The following NIPBL variants were observed in gnomAD, a reference collection of about 807,000 sequenced individuals.
The protein encoded by NIPBL is nipped-B-like protein.
Under a neutral mutation model 321.8 loss-of-function variants are expected in NIPBL, and 19 were observed. The ratio of observed to expected loss-of-function variants is 0.06; its 90% CI spans 0.04 to 0.09. The LOEUF is 0.09. Ranked by LOEUF, NIPBL falls within the 10% of genes least tolerant of loss-of-function variation. The probability of loss-of-function intolerance (pLI) is 1.00; values close to 1 mark genes in which losing one functional copy is unlikely to be tolerated. For missense variants in NIPBL, 2,210 were observed against 3,327.0 expected (o/e 0.66, Z 8.26); for synonymous variants, 1,106 against 1,114.1 (o/e 0.99, Z 0.14).
At chr5:37,057,673 T>C (rs1754250322) in intron 43 of NIPBL, among the ~76,000 whole-genome samples, 1 of 152,256 alleles carries the variant, frequency 6.6e-6, no homozygotes, top group East Asian at 1.9e-4. Flanking sequence ...TGTAATGCTG[T>C]AATCACAACA....
chr5:36,900,194 T>G (rs556193116), intron 1 of NIPBL, among the ~76,000 whole-genome samples: 1 of 152,222 alleles, frequency 6.6e-6, no homozygotes, highest in Non-Finnish European at 1.5e-5. Flanking sequence ...TTGGAAATAT[T>G]CAGGAAAAGA....
intron 39 of NIPBL, 75 bp from the exon 40 acceptor site, chr5:37,049,036 G>A: frequency 6.8e-7 from 1 of 1,471,070 alleles, no homozygotes; most frequent in East Asian, 2.3e-5. Flanking sequence ...TTTGGTTATG[G>A]CCTAATTTTG....
At chr5:37,030,149 G>C (rs1283911878) in intron 32 of NIPBL, among the ~76,000 whole-genome samples, 5 of 152,162 alleles carry the variant, frequency 3.3e-5, no homozygotes, top group Non-Finnish European at 7.4e-5. Context: ...GACATGACCA[G>C]ATTTATACTC....
intron 1 of NIPBL, among the ~76,000 whole-genome samples, chr5:36,893,184 T>C (rs1580161923): frequency 1.3e-5 from 2 of 152,200 alleles, no homozygotes; most frequent in Non-Finnish European, 2.9e-5. Flanking sequence ...TTATACTAAA[T>C]CCATACATAC....
At chr5:36,958,389 G>C (rs189852814) in intron 4 of NIPBL, among the ~76,000 whole-genome samples, 158 bp downstream of exon 4, 31 of 152,276 alleles carry the variant, frequency 2.0e-4, no homozygotes, top group African/African-American at 7.0e-4. Context: ...GATTCTTGTA[G>C]TTTAATATGT....
intron 1 of NIPBL, among the ~76,000 whole-genome samples, chr5:36,923,682 C>T (rs1749129108): frequency 6.6e-6 from 1 of 152,044 alleles, no homozygotes; most frequent in African/African-American, 2.4e-5. Flanking sequence ...CTTGGTTGAC[C>T]TGTTTTGGCT....
chr5:37,051,759 A>ATT lies in NIPBL; in HGVS notation c.6955-10_6955-9dup. 9.6e-6 allele frequency: 12 copies of ATT among 1,251,932 alleles called. No homozygotes were observed. The highest frequency in any genetic ancestry group is 1.5e-5 in the African/African-American group (1 of 66,132). The allele number at this position is 1,251,932 out of a possible 1,614,324, so 77.6% of individuals were successfully genotyped here. A position where few individuals can be genotyped will look rare whatever the true frequency, so the allele number is the denominator to read the frequency against. Reference sequence around the variant, plus strand: ...ATTTTTACTACCATGATATCTCGTAATTTTTTTTTTTATTTCCAGTGTGTG... The same window carrying ATT: ...ATTTTTACTACCATGATATCTCGTAATTTTTTTTTTTTTATTTCCAGTGTGTG... On this transcript the variant is annotated intron_variant, in intron 40 of 46. Transcript: ENST00000282516.
At chr5:37,045,892 A>G (rs1752927470) in intron 37 of NIPBL, among the ~76,000 whole-genome samples, 1 of 152,204 alleles carries the variant, frequency 6.6e-6, no homozygotes, top group African/African-American at 2.4e-5. Context: ...TTTTTCAATG[A>G]AGGAAACAAT....
chr5:36,885,480 C>T, intron 1 of NIPBL: 1 of 490,986 alleles, frequency 2.0e-6, no homozygotes, highest in South Asian at 1.6e-5. Context: ...CACCTGGCCT[C>T]CTACCTGGAC....
At chr5:37,001,106 C>G in intron 14 of NIPBL, 28 bp downstream of exon 14, 16 of 1,420,630 alleles carry the variant, frequency 1.1e-5, no homozygotes, top group Non-Finnish European at 1.6e-5. Flanking sequence ...TACATTTACA[C>G]ATACTCTAAG....
chr5:36,986,177 T>C lies in NIPBL; in HGVS notation c.2997T>C (p.Ala999=), dbSNP rs1744776761. ...IGLVEDLNKG[A]KPVVVLQKLS... ...TAGTTGAAGATCTAAATAAAGGAGC[T>C]AAGCCTGTAGTTGTGCTACAAAAAC... The change falls in exon 10 of 47, where the codon GCT becomes GCC. Residue 999 remains alanine, a synonymous_variant. Transcript: ENST00000282516. 2.5e-6 allele frequency: 4 copies of C among 1,613,156 alleles called. No homozygotes were observed. The African/African-American group carries it at 4.0e-5, about 16-fold the overall frequency.
intron 1 of NIPBL, among the ~76,000 whole-genome samples, chr5:36,893,960 CCTAT>C (rs1561356105): frequency 1.3e-5 from 2 of 152,206 alleles, no homozygotes; most frequent in East Asian, 3.9e-4. Context: ...TGTGAACTGA[CCTAT>C]CTGTTCCTAA....
chr5:37,026,400 G>GCCTC, intron 31 of NIPBL, 73 bp downstream of exon 31: 1 of 827,624 alleles, frequency 1.2e-6, no homozygotes, highest in Non-Finnish European at 2.1e-6. Flanking sequence ...TCTTATGAAG[G>GCCTC]AAGAGACAAT....
chr5:36,903,472 T>C (rs1382213583), intron 1 of NIPBL, among the ~76,000 whole-genome samples: 1 of 152,186 alleles, frequency 6.6e-6, no homozygotes, highest in African/African-American at 2.4e-5. Flanking sequence ...TACCTATTAT[T>C]TTCATATTGT....
intron 1 of NIPBL, among the ~76,000 whole-genome samples, chr5:36,886,698 A>G (rs903967535): frequency 6.6e-6 from 1 of 151,892 alleles, no homozygotes; most frequent in African/African-American, 2.4e-5. Flanking sequence ...ACAAACATAC[A>G]CAGTCTTAAA....
intron 1 of NIPBL, among the ~76,000 whole-genome samples, chr5:36,927,812 A>G (rs371422927): frequency 1.3e-5 from 2 of 152,260 alleles, no homozygotes; most frequent in South Asian, 2.1e-4. Context: ...TCTTTAATAT[A>G]TATAGTGTTT....
At chr5:36,882,417 A>G (rs1310690247) in intron 1 of NIPBL, among the ~76,000 whole-genome samples, 1 of 151,944 alleles carries the variant, frequency 6.6e-6, no homozygotes, top group Non-Finnish European at 1.5e-5. Context: ...AGTTAGTTGT[A>G]TGAGAAAACT....
chr5:36,887,286 G>C (rs574698815), intron 1 of NIPBL, among the ~76,000 whole-genome samples: 5 of 152,162 alleles, frequency 3.3e-5, no homozygotes, highest in African/African-American at 1.2e-4. Flanking sequence ...ATAGAAACTA[G>C]AATAAAAAAT....
chr5:36,986,403 C>A, intron 10 of NIPBL, 102 bp downstream of exon 10: 2 of 772,524 alleles, frequency 2.6e-6, no homozygotes, highest in Non-Finnish European at 1.8e-6. Context: ...AAAGCTACTA[C>A]ATGAAAATAT....
Sources: allele counts gnomAD v4.1 joint callset (sites outside exome capture counted in the v4.1 genomes callset), GRCh38; gene constraint gnomAD v4.1.1; transcripts MANE v1.5; gene names NCBI Gene and HGNC (gene_info 2026-07-23, HGNC 2026-07-21).